The following MAGI1 variants were observed in gnomAD, a reference collection of about 807,000 sequenced individuals.
MAGI1 encodes membrane associated guanylate kinase, WW and PDZ domain containing 1, also known as membrane-associated guanylate kinase, WW and PDZ domain-containing protein 1.
Under a neutral mutation model 139.9 loss-of-function variants are expected in MAGI1, and 58 were observed. The observed-to-expected ratio is 0.41, with a 90% CI of 0.34 to 0.52. The LOEUF is 0.52. Ranked by LOEUF, MAGI1 falls within the 20% of genes least tolerant of loss-of-function variation. MAGI1 has a pLI of 0.12. For synonymous variants in MAGI1, 812 were observed against 737.9 expected, an observed-to-expected ratio of 1.10 and a Z score of -1.63; for missense variants, 1,874 against 1,901.6, an observed-to-expected ratio of 0.99 and a Z score of 0.27.
At chr3:65,927,405 G>T (rs2062578911) in intron 1 of MAGI1, among the ~76,000 whole-genome samples, 1 of 152,150 alleles carries the variant, frequency 6.6e-6, no homozygotes, top group African/African-American at 2.4e-5. Flanking sequence ...CACTGAATGT[G>T]ACCTGCAAAG....
At chr3:65,754,496 A>C (rs2036405932) in intron 1 of MAGI1, among the ~76,000 whole-genome samples, 1 of 152,224 alleles carries the variant, frequency 6.6e-6, no homozygotes, top group South Asian at 2.1e-4. Flanking sequence ...TTATTCCATA[A>C]GCCTTTGAAA....
At chr3:65,414,803 G>GCAGGCAGATCACCTGACCAGC (rs1353349597) in intron 12 of MAGI1, among the ~76,000 whole-genome samples, 5 of 151,438 alleles carry the variant, frequency 3.3e-5, no homozygotes, top group African/African-American at 1.2e-4. Context: ...GGAGGCCGAG[G>GCAGGCAGATCACCTGACCAGC]CAGGCAGATC....
chr3:66,000,192 G>A (rs1252155962), intron 1 of MAGI1, among the ~76,000 whole-genome samples: 1 of 151,896 alleles, frequency 6.6e-6, no homozygotes, highest in Admixed American at 6.6e-5. Context: ...TAGCCAGAAC[G>A]GTCTCGATCT....
At chr3:65,633,133 C>T (rs534104899) in intron 1 of MAGI1, among the ~76,000 whole-genome samples, 2 of 152,228 alleles carry the variant, frequency 1.3e-5, no homozygotes, top group East Asian at 3.9e-4. Context: ...TCAGCCACAT[C>T]AAAACGTCCT....
chr3:65,926,646 C>T (rs1159623576), intron 1 of MAGI1, among the ~76,000 whole-genome samples: 1 of 152,108 alleles, frequency 6.6e-6, no homozygotes, highest in African/African-American at 2.4e-5. Flanking sequence ...TGCTACACTC[C>T]CACCAGTAAC....
chr3:65,990,998 A>G (rs1273686570), intron 1 of MAGI1, among the ~76,000 whole-genome samples: 1 of 151,960 alleles, frequency 6.6e-6, no homozygotes, highest in East Asian at 1.9e-4. Context: ...AAAAAATAAA[A>G]GTAAATGAGG....
intron 2 of MAGI1, among the ~76,000 whole-genome samples, chr3:65,537,631 A>G (rs1017795864): frequency 6.6e-5 from 10 of 152,156 alleles, no homozygotes; most frequent in African/African-American, 2.4e-4. Flanking sequence ...TTGCAATAAA[A>G]ACAATAATCA....
intron 12 of MAGI1, among the ~76,000 whole-genome samples, chr3:65,415,563 T>C (rs1946150169): frequency 6.6e-6 from 1 of 152,166 alleles, no homozygotes; most frequent in Non-Finnish European, 1.5e-5. Context: ...ACACTGCCAC[T>C]CCGTTACTGA....
intron 5 of MAGI1, among the ~76,000 whole-genome samples, chr3:65,467,441 C>T (rs1950243115): frequency 6.6e-6 from 1 of 152,044 alleles, no homozygotes. Flanking sequence ...ATAATTTAGG[C>T]TAAAATATAA....
At chr3:65,519,212 T>C (rs563241785) in intron 2 of MAGI1, among the ~76,000 whole-genome samples, 9 of 152,134 alleles carry the variant, frequency 5.9e-5, no homozygotes, top group African/African-American at 1.7e-4. Flanking sequence ...ACCAACCTAA[T>C]AGATCAGAGA....
intron 1 of MAGI1, among the ~76,000 whole-genome samples, chr3:65,789,694 C>T (rs1303087230): frequency 6.6e-6 from 1 of 152,160 alleles, no homozygotes; most frequent in Non-Finnish European, 1.5e-5. Flanking sequence ...GCTGATTTAG[C>T]CGGGATCTCC....
intron 2 of MAGI1, among the ~76,000 whole-genome samples, chr3:65,532,225 C>G (rs1352512441): frequency 6.6e-6 from 1 of 152,108 alleles, no homozygotes. Flanking sequence ...TTGAAAAACT[C>G]TTAATAATGG....
chr3:65,506,362 C>G (rs995595762), intron 2 of MAGI1, among the ~76,000 whole-genome samples: 24 of 152,282 alleles, frequency 1.6e-4, no homozygotes, highest in African/African-American at 5.5e-4. Context: ...CAACAACATA[C>G]TCTGTGCTTC....
intron 2 of MAGI1, among the ~76,000 whole-genome samples, chr3:65,516,192 T>C (rs111915660): frequency 0.026 from 3,969 of 151,988 alleles, 153 homozygotes; most frequent in African/African-American, 0.09. Flanking sequence ...CTCTCTCTCT[T>C]TTTTTTGAGA....
chr3:65,817,628 T>C (rs1012052934), intron 1 of MAGI1, among the ~76,000 whole-genome samples: 4 of 152,140 alleles, frequency 2.6e-5, no homozygotes, highest in Admixed American at 2.6e-4. Context: ...TGAGTAGTGT[T>C]AGAAAAGAAA....
chr3:65,428,960 G>A (rs1216290366), intron 12 of MAGI1, among the ~76,000 whole-genome samples: 1 of 152,092 alleles, frequency 6.6e-6, no homozygotes, highest in Non-Finnish European at 1.5e-5. Context: ...GCAAGAAAAG[G>A]CTTGAAGCAT....
chr3:65,394,242 C>T (rs771556983), intron 13 of MAGI1, among the ~76,000 whole-genome samples: 1 of 152,144 alleles, frequency 6.6e-6, no homozygotes, highest in Non-Finnish European at 1.5e-5. Flanking sequence ...CAAATTATAA[C>T]ACCCTTTCTC....
At chr3:65,943,500 G>A (rs990659276) in intron 1 of MAGI1, among the ~76,000 whole-genome samples, 4 of 151,926 alleles carry the variant, frequency 2.6e-5, no homozygotes, top group Admixed American at 1.3e-4. Flanking sequence ...GCTTGAACCC[G>A]GGAGGCGGAG....
At chr3:65,877,495 G>T (rs996401811) in intron 1 of MAGI1, among the ~76,000 whole-genome samples, 1 of 152,104 alleles carries the variant, frequency 6.6e-6, no homozygotes, top group African/African-American at 2.4e-5. Context: ...CCCCAGAGAT[G>T]ACCTCAATTT....
Sources: gnomAD v4.1 joint callset for allele counts (sites outside exome capture counted in the v4.1 genomes callset) on GRCh38, gnomAD v4.1.1 for gene constraint, MANE v1.5 for transcripts, NCBI Gene and HGNC (gene_info 2026-07-23, HGNC 2026-07-21) for gene names.